The following DLK1 variants were observed in gnomAD, a reference collection of about 807,000 sequenced individuals.
The protein encoded by DLK1 is delta like non-canonical Notch ligand 1.
DLK1 carries 9 observed loss-of-function variants against 35.2 expected under a neutral mutation model. The ratio of observed to expected loss-of-function variants is 0.26; its 90% CI spans 0.15 to 0.45. DLK1 has a LOEUF of 0.45. Ranked by LOEUF, DLK1 falls within the 20% of genes least tolerant of loss-of-function variation. DLK1 has a pLI of 1.00. For synonymous variants in DLK1, 231 were observed against 228.4 expected, an observed-to-expected ratio of 1.01 and a Z score of -0.10; for missense variants, 522 against 528.5, an observed-to-expected ratio of 0.99 and a Z score of 0.12.
chr14:100,727,676 G>A (rs1567020093), intron 1 of DLK1, among the ~76,000 whole-genome samples: 1 of 151,954 alleles, frequency 6.6e-6, no homozygotes, highest in African/African-American at 2.4e-5. Context: ...TTCCTGCAGC[G>A]CCCCCCCACT....
Position 100,735,019 on chromosome 14 carries a change from A to G in DLK1, c.*123A>G, listed in dbSNP as rs901063121. ...CAAATCTGGTGAACGCTACGCTTACATATATTGTCTTTGTGCTGCTGTGTG... is the reference window on the plus strand; with the variant it reads ...CAAATCTGGTGAACGCTACGCTTACGTATATTGTCTTTGTGCTGCTGTGTG... On this transcript the variant is annotated 3_prime_UTR_variant, in exon 5 of 5. Coordinates refer to ENST00000341267, the MANE Select transcript of DLK1 (RefSeq NM_003836.7). The G allele has an allele frequency of 5.2e-6, 7 of 1,344,520 alleles. No homozygotes were observed. The highest frequency in any genetic ancestry group is 2.4e-5 in the East Asian group (1 of 42,242). 83.3% of individuals were successfully genotyped at this position (1,344,520 alleles called of 1,614,324 possible). A position where few individuals can be genotyped will look rare whatever the true frequency, so the allele number is the denominator to read the frequency against.
chr14:100,728,623 G>GGT (rs1567020454), intron 2 of DLK1, 164 bp downstream of exon 2: 6 of 172,444 alleles, frequency 3.5e-5, no homozygotes, highest in Non-Finnish European at 7.2e-5. Context: ...GATGGGGGGG[G>GGT]CGGGGGGGGG....
intron 2 of DLK1, 97 bp from the exon 3 acceptor site, chr14:100,728,839 C>A: frequency 1.3e-6 from 2 of 1,507,092 alleles, no homozygotes; most frequent in Non-Finnish European, 1.8e-6. Flanking sequence ...TGTGCAAAGA[C>A]CCCCAAGGGT....
intron 4 of DLK1, among the ~76,000 whole-genome samples, chr14:100,733,672 G>A (rs1595209221): frequency 6.6e-6 from 1 of 152,192 alleles, no homozygotes; most frequent in South Asian, 2.1e-4. Flanking sequence ...CCCCTTGCTT[G>A]GTTCTTCTGC....
At position 100,732,299 on chromosome 14, in the gene DLK1, C is replaced by T. The variant is rs563684199; in HGVS notation, c.404+116C>T. On this transcript the variant is annotated intron_variant, in intron 4 of 4. Coordinates refer to ENST00000341267, the MANE Select transcript of DLK1 (RefSeq NM_003836.7). ...TCTGACAAAAGATGAAGTAAGCGCT[C>T]ATCCTGGCAGCCCCGTAGGGGACCG... is the stretch of plus-strand genomic sequence containing the variant. 4.1e-5 allele frequency: 60 copies of T among 1,472,196 alleles called. No individual in the cohort carries two copies. In the East Asian group the frequency reaches 9.8e-4, roughly 24 times the overall value. The allele number at this position is 1,472,196 out of a possible 1,614,324, so 91.2% of individuals were successfully genotyped here.
chr14:100,728,815 C>A, intron 2 of DLK1, 121 bp from the exon 3 acceptor site: 2 of 1,324,058 alleles, frequency 1.5e-6, no homozygotes, highest in Non-Finnish European at 2.1e-6. Flanking sequence ...CTTCCCAGGA[C>A]CACCGGCTGC....
At chr14:100,728,631 G>GT in intron 2 of DLK1, 172 bp downstream of exon 2, 1 of 259,258 alleles carries the variant, frequency 3.9e-6, no homozygotes, top group Non-Finnish European at 7.7e-6. Flanking sequence ...GGGCGGGGGG[G>GT]GGGCAGCCAC....
intron 1 of DLK1, among the ~76,000 whole-genome samples, chr14:100,728,002 T>C (rs72698731): frequency 0.094 from 14,265 of 152,194 alleles, 831 homozygotes; most frequent in Non-Finnish European, 0.13. Flanking sequence ...AATCTGCTCC[T>C]CTTTTCAGCT....
chr14:100,727,350 C>A (rs1473177506), intron 1 of DLK1, among the ~76,000 whole-genome samples: 2 of 152,180 alleles, frequency 1.3e-5, no homozygotes, highest in Non-Finnish European at 2.9e-5. Flanking sequence ...TGTGTGAGAC[C>A]CCCAGCCCCT....
chr14:100,732,429 T>A (rs1034882155), intron 4 of DLK1, among the ~76,000 whole-genome samples: 1 of 152,230 alleles, frequency 6.6e-6, no homozygotes, highest in African/African-American at 2.4e-5. Flanking sequence ...TCCCGATGCG[T>A]GTGAGTGACA....
Position 100,726,925 on chromosome 14 carries a change from G to T in DLK1, c.-144G>T. Reference sequence around the variant, plus strand: ...CCCGGCAGCGGCGGTGGAGAGCGCAGCGCGCAGCCCGGTGCAGCCCTGGCT... The same window carrying T: ...CCCGGCAGCGGCGGTGGAGAGCGCATCGCGCAGCCCGGTGCAGCCCTGGCT... On this transcript the variant is annotated 5_prime_UTR_variant, in exon 1 of 5. Coordinates refer to ENST00000341267, the MANE Select transcript of DLK1 (RefSeq NM_003836.7). This position sits in a 1 kb window ranked among gnomAD's most constrained non-coding sequence, Gnocchi z 4.2. 1 of 690,730 alleles carries T rather than the reference G, an allele frequency of 1.4e-6. No individual in the cohort carries two copies. Among genetic ancestry groups the T allele is most frequent in the Non-Finnish European group, 2.0e-6 (1 of 502,206 alleles). The allele number at this position is 690,730 out of a possible 1,614,324, so 42.8% of individuals were successfully genotyped here.
At position 100,734,084 on chromosome 14, in the gene DLK1, G is replaced by A. The variant is rs958571531; in HGVS notation, c.405-65G>A. On this transcript the variant is annotated intron_variant, in intron 4 of 4. Coordinates refer to ENST00000341267, the MANE Select transcript of DLK1 (RefSeq NM_003836.7). This position sits in a 1 kb window ranked among gnomAD's most constrained non-coding sequence, Gnocchi z 7.4. ...CCAGGGACCTTCTGCCCTGAGCCCCGTGCCCTGCAGCGCTGTTGTAGCCTA... is the reference window on the plus strand; with the variant it reads ...CCAGGGACCTTCTGCCCTGAGCCCCATGCCCTGCAGCGCTGTTGTAGCCTA... The A allele has an allele frequency of 3.6e-5, 55 of 1,519,762 alleles. No homozygotes were observed. In the East Asian group the frequency reaches 1.0e-3, roughly 28 times the overall value. 94.1% of individuals were successfully genotyped at this position (1,519,762 alleles called of 1,614,324 possible).
chr14:100,733,631 G>A (rs1416378086), intron 4 of DLK1, among the ~76,000 whole-genome samples: 2 of 152,200 alleles, frequency 1.3e-5, no homozygotes, highest in Admixed American at 6.5e-5. Context: ...CATGAAGGAC[G>A]ACAGCGGGTC....
In DLK1 at chr14:100,734,075, C is replaced by T. The variant is rs148373901; in HGVS notation, c.405-74C>T. On this transcript the variant is annotated intron_variant, in intron 4 of 4. Transcript: ENST00000341267. The surrounding 1 kb of genome is among the most constrained non-coding windows in gnomAD (Gnocchi z 7.4). ...TTAGTCAGGCCAGGGACCTTCTGCC[C>T]TGAGCCCCGTGCCCTGCAGCGCTGT... 6.5e-3 allele frequency: 9,817 copies of T among 1,511,634 alleles called. 41 individuals carry two copies. Among genetic ancestry groups the T allele is most frequent in the Non-Finnish European group, 7.4e-3 (8,433 of 1,133,582 alleles). The allele number at this position is 1,511,634 out of a possible 1,614,324, so 93.6% of individuals were successfully genotyped here.
Position 100,738,067 on chromosome 14 carries a change from T to C in DLK1, c.*3171T>C, listed in dbSNP as rs1194152974. On this transcript the variant is annotated 3_prime_UTR_variant, in exon 5 of 5. Coordinates refer to ENST00000341267, the MANE Select transcript of DLK1 (RefSeq NM_003836.7). ...CAGCGATCCAAGACATGATCAGCAA[T>C]TTGGTCCCAAATTAGGAGAGGAGGA... 1 of 152,162 alleles carries C rather than the reference T, an allele frequency of 6.6e-6. No individual in the cohort carries two copies. The highest frequency in any genetic ancestry group is 1.5e-5 in the Non-Finnish European group (1 of 68,026). 9.4% of individuals were successfully genotyped at this position (152,162 alleles called of 1,614,324 possible).
At chr14:100,732,503 G>C (rs2139862628) in intron 4 of DLK1, among the ~76,000 whole-genome samples, 1 of 152,380 alleles carries the variant, frequency 6.6e-6, no homozygotes, top group South Asian at 2.1e-4. Context: ...CGTAGTAAAA[G>C]ATTGGAGCTC....
chr14:100,734,925 C>T lies in DLK1; in HGVS notation c.*29C>T. 1 of 1,539,406 alleles carries T rather than the reference C, an allele frequency of 6.5e-7. No homozygotes were observed. Among genetic ancestry groups the T allele is most frequent in the Non-Finnish European group, 8.7e-7 (1 of 1,148,864 alleles). On this transcript the variant is annotated 3_prime_UTR_variant, in exon 5 of 5. Transcript: ENST00000341267. The surrounding 1 kb of genome is among the most constrained non-coding windows in gnomAD (Gnocchi z 7.4). The stretch of plus-strand genomic sequence containing the variant: ...GCGTTCCCACAGCCCCCTCTAGATT[C>T]TTGGAGTTCCGCAGAGCTTACTATA...
chr14:100,727,974 C>T (rs1274575240), intron 1 of DLK1, among the ~76,000 whole-genome samples: 1 of 152,090 alleles, frequency 6.6e-6, no homozygotes, highest in Non-Finnish European at 1.5e-5. Context: ...TGGGCTTTCC[C>T]GGAGTTGAAC....
In DLK1 at chr14:100,734,842, C is replaced by G. The variant is rs150069528; in HGVS notation, c.1098C>G (p.Pro366=). ...ACCTGGCCGTCAACATCATCTTCCCCGAGAAGATCGACATGACCACCTTCA... is the reference window on the plus strand; with the variant it reads ...ACCTGGCCGTCAACATCATCTTCCCGGAGAAGATCGACATGACCACCTTCA... ...GEDLAVNIIF[P]EKIDMTTFSK... is the part of the protein sequence containing the mutation. Residue 366 remains proline (P), a synonymous_variant, in exon 5 of 5, where the codon CCC becomes CCG. Coordinates refer to ENST00000341267, the MANE Select transcript of DLK1 (RefSeq NM_003836.7). The surrounding 1 kb of genome is among the most constrained non-coding windows in gnomAD (Gnocchi z 7.4). 2.5e-6 allele frequency: 4 copies of G among 1,610,460 alleles called. No individual in the cohort carries two copies. Among genetic ancestry groups the G allele is most frequent in the Non-Finnish European group, 3.4e-6 (4 of 1,178,598 alleles).
Sources: gnomAD v4.1 joint callset for allele counts (sites outside exome capture counted in the v4.1 genomes callset) on GRCh38, gnomAD v4.1.1 for gene constraint, Gnocchi (gnomAD v3.1) non-coding constraint, MANE v1.5 for transcripts, NCBI Gene and HGNC (gene_info 2026-07-23, HGNC 2026-07-21) for gene names.